The following CRHR2 variants were observed in gnomAD, a reference collection of about 807,000 sequenced individuals.
CRHR2 encodes corticotropin-releasing hormone receptor 2.
A neutral mutation model predicts 57.9 loss-of-function variants in CRHR2; 53 were observed. The ratio of observed to expected loss-of-function variants is 0.92; its 90% CI spans 0.73 to 1.15. The LOEUF (loss-of-function observed/expected upper bound fraction) is 1.15, where lower values mean the gene tolerates loss of function less well. Among genes scored for constraint, CRHR2 ranks in the 50% most tolerant of loss-of-function variants. The pLI is 0.00. For missense variants in CRHR2, 532 were observed against 542.6 expected, an observed-to-expected ratio of 0.98 and a Z score of 0.19; for synonymous variants, 213 against 220.9, an observed-to-expected ratio of 0.96 and a Z score of 0.32.
intron 2 of CRHR2, among the ~76,000 whole-genome samples, chr7:30,668,264 C>G (rs763187064): frequency 2.0e-4 from 31 of 152,246 alleles, no homozygotes; most frequent in Non-Finnish European, 3.5e-4. Flanking sequence ...TAAGCCACCC[C>G]CTCCATACAC....
Position 30,675,663 on chromosome 7 carries a change from T to A in CRHR2, c.229+6252A>T, listed in dbSNP as rs560714571. 5.3e-5 allele frequency among the ~76,000 whole-genome samples: 8 copies of A among 152,332 alleles called. No homozygotes were observed. The South Asian group carries it at 1.7e-3, about 32-fold the overall frequency. ...TTAGCTCAATTTTTCAAGGCACTGT[T>A]CAACAACACTTCCTCCATGAAGTCT... On this transcript the variant is annotated intron_variant, in intron 2 of 11. Transcript: ENST00000471646.
intron 2 of CRHR2, among the ~76,000 whole-genome samples, chr7:30,675,954 G>T (rs930613078): frequency 1.3e-5 from 2 of 152,190 alleles, no homozygotes; most frequent in Admixed American, 6.5e-5. Flanking sequence ...TGAGCAAGAC[G>T]ATCAGGTGGC....
Position 30,656,157 on chromosome 7 carries a change from C to T in CRHR2, c.832-145G>A. The T allele has an allele frequency of 1.4e-6, 1 of 723,458 alleles. No individual in the cohort carries two copies. 44.8% of individuals were successfully genotyped at this position (723,458 alleles called of 1,614,324 possible). On this transcript the variant is annotated intron_variant, in intron 8 of 11. Coordinates refer to ENST00000471646, the MANE Select transcript of CRHR2 (RefSeq NM_001883.5). This position sits in a 1 kb window ranked among gnomAD's most constrained non-coding sequence, Gnocchi z 4.4. Reference sequence around the variant, plus strand: ...TCCTACCTGTCCCCCTAGCACCTGCCAGCATCCCAAGGCCTGTGCTCCTCC... The same window carrying T: ...TCCTACCTGTCCCCCTAGCACCTGCTAGCATCCCAAGGCCTGTGCTCCTCC...
At chr7:30,690,044 C>T (rs950107710) in intron 1 of CRHR2, among the ~76,000 whole-genome samples, 3 of 152,144 alleles carry the variant, frequency 2.0e-5, no homozygotes, top group South Asian at 2.1e-4. Flanking sequence ...CCCAGGATCC[C>T]GTCTCCTAAA....
intron 1 of CRHR2, among the ~76,000 whole-genome samples, chr7:30,695,183 T>C (rs2128151912): frequency 6.6e-6 from 1 of 151,702 alleles, no homozygotes; most frequent in African/African-American, 2.4e-5. Context: ...GGGTGGGGTG[T>C]CAGATGAGGG....
rs1785082178 is a variant in CRHR2, at chr7:30,697,549, G to C, written c.-261+2395C>G. 1.3e-5 allele frequency among the ~76,000 whole-genome samples: 2 copies of C among 152,112 alleles called. 1 individual carries two copies. The highest frequency in any genetic ancestry group is 4.1e-4 in the South Asian group (2 of 4,824). On this transcript the variant is annotated intron_variant, in intron 1 of 13. Transcript: ENST00000341843. ...TCCACGGGGAATAGGGAGCACCAGG[G>C]TCAAGGCTGGGTGGGTTCCTCCAGG...
chr7:30,687,223 G>C (rs577919632), upstream of CRHR2, among the ~76,000 whole-genome samples: 15 of 152,232 alleles, frequency 9.9e-5, no homozygotes, highest in African/African-American at 3.6e-4. Flanking sequence ...TTGGGGACTT[G>C]AGAAATGATT....
intron 2 of CRHR2, among the ~76,000 whole-genome samples, chr7:30,670,580 T>C (rs1263122400): frequency 6.6e-6 from 1 of 152,232 alleles, no homozygotes; most frequent in Non-Finnish European, 1.5e-5. Context: ...ACACTGGGTA[T>C]CAAAGGACTG....
At chr7:30,677,678 C>T (rs949719044) in intron 2 of CRHR2, among the ~76,000 whole-genome samples, 5 of 152,148 alleles carry the variant, frequency 3.3e-5, no homozygotes, top group Non-Finnish European at 7.3e-5. Flanking sequence ...CATATTCCCC[C>T]ACCCATCAGA....
chr7:30,694,898 G>A (rs550038943), intron 1 of CRHR2, among the ~76,000 whole-genome samples: 2,340 of 98,572 alleles, frequency 0.024, 82 homozygotes, highest in African/African-American at 0.15. Flanking sequence ...AGGGGATGAT[G>A]AGGAGAGAAG....
intron 1 of CRHR2, among the ~76,000 whole-genome samples, chr7:30,699,007 T>A (rs1446602622): frequency 6.6e-6 from 1 of 152,170 alleles, no homozygotes; most frequent in African/African-American, 2.4e-5. Context: ...CTTATACGTA[T>A]AGGGACACTA....
chr7:30,662,654 C>G (rs760270289), intron 6 of CRHR2, 40 bp downstream of exon 6: 1 of 1,597,678 alleles, frequency 6.3e-7, no homozygotes. Context: ...GGTGAGAAGT[C>G]CTCCCCCCAA....
chr7:30,672,072 G>A (rs2128144721), intron 2 of CRHR2, among the ~76,000 whole-genome samples: 2 of 152,334 alleles, frequency 1.3e-5, no homozygotes, highest in Middle Eastern at 6.8e-3. Context: ...TATCTCTAAG[G>A]TTGGGGACCT....
chr7:30,687,711 G>A (rs255098), intron 2 of CRHR2, among the ~76,000 whole-genome samples: 71,051 of 152,122 alleles, frequency 0.47, 19,256 homozygotes, highest in Non-Finnish European at 0.61. Context: ...CACTCAGAGC[G>A]GGGACCATCC....
intron 1 of CRHR2, among the ~76,000 whole-genome samples, chr7:30,690,993 T>A (rs1007796376): frequency 6.6e-6 from 1 of 151,888 alleles, no homozygotes; most frequent in African/African-American, 2.4e-5. Flanking sequence ...GGTCTTGCTG[T>A]CCACATATCA....
intron 7 of CRHR2, among the ~76,000 whole-genome samples, 153 bp downstream of exon 7, chr7:30,662,003 C>A (rs1784017242): frequency 6.6e-6 from 1 of 152,132 alleles, no homozygotes; most frequent in African/African-American, 2.4e-5. Context: ...GAGTGCAGGA[C>A]TATTTTTTTC....
At chr7:30,661,817 T>C (rs1784009973) in intron 7 of CRHR2, among the ~76,000 whole-genome samples, 1 of 152,136 alleles carries the variant, frequency 6.6e-6, no homozygotes, top group African/African-American at 2.4e-5. Flanking sequence ...GCTCTGGATG[T>C]CATGTGCGGC....
rs554390259 is a variant in CRHR2 at position 30,693,025 on chromosome 7, C to T, written c.-260-3741G>A. Among the ~76,000 whole-genome samples the T allele has an allele frequency of 2.6e-4, 40 of 152,262 alleles. 1 individual carries two copies. The East Asian group carries it at 5.8e-3, about 22-fold the overall frequency. On this transcript the variant is annotated intron_variant, in intron 1 of 13. Coordinates refer to the CRHR2 transcript ENST00000341843. ...TGGGTGGCTGTGGGGCTCAGGAGGCCGCTCAGGTGAGAAGCCCCTCTCTTG... is the reference window on the plus strand; with the variant it reads ...TGGGTGGCTGTGGGGCTCAGGAGGCTGCTCAGGTGAGAAGCCCCTCTCTTG...
chr7:30,682,275 G>A lies in CRHR2; in HGVS notation c.6C>T (p.Asp2=), dbSNP rs568217516. Reference sequence around the variant, plus strand: ...CCAGCAGGCTGTGGAGCAGTGCCGCGTCCATCGCGTCCCGCAGCCGCGTGC... The same window carrying A: ...CCAGCAGGCTGTGGAGCAGTGCCGCATCCATCGCGTCCCGCAGCCGCGTGC... The part of the protein sequence containing the change: M[D]AALLHSLLEA... The change falls in exon 1 of 12, where the codon GAC becomes GAT. Residue 2 remains aspartate, a synonymous_variant. Transcript: ENST00000471646. The A allele has an allele frequency of 1.3e-6, 2 of 1,568,502 alleles. No homozygotes were observed. The highest frequency in any genetic ancestry group is 2.4e-5 in the East Asian group (1 of 41,318).
Sources: gnomAD v4.1 joint callset for allele counts (sites outside exome capture counted in the v4.1 genomes callset) on GRCh38, gnomAD v4.1.1 for gene constraint, Gnocchi (gnomAD v3.1) non-coding constraint, MANE v1.5 for transcripts, NCBI Gene and HGNC (gene_info 2026-07-23, HGNC 2026-07-21) for gene names.